SLC8A1: variants seen among roughly 807,000 people sequenced by gnomAD.
The protein encoded by SLC8A1 is solute carrier family 8 member A1.
SLC8A1 carries 18 observed loss-of-function variants against 68.3 expected under a neutral mutation model. The observed-to-expected ratio is 0.26, with a 90% confidence interval of 0.18 to 0.39. The LOEUF is 0.39. Among genes scored for constraint, SLC8A1 ranks in the 10% least tolerant of loss-of-function variants. SLC8A1 has a pLI of 1.00. For missense variants in SLC8A1, 985 were observed against 1,156.7 expected, an observed-to-expected ratio of 0.85 and a Z score of 2.15; for synonymous variants, 475 against 415.5, an observed-to-expected ratio of 1.14 and a Z score of -1.74.
At chr2:40,149,412 T>C (rs2043023141) in intron 6 of SLC8A1, among the ~76,000 whole-genome samples, 1 of 152,190 alleles carries the variant, frequency 6.6e-6, no homozygotes, top group South Asian at 2.1e-4. Flanking sequence ...ATATGAGTTA[T>C]GAATATAATG....
At chr2:40,153,497 C>T (rs542534347) in intron 6 of SLC8A1, among the ~76,000 whole-genome samples, 21 of 152,208 alleles carry the variant, frequency 1.4e-4, no homozygotes, top group Admixed American at 1.4e-3. Flanking sequence ...TAACTCTACA[C>T]TGAAACAAGG....
At chr2:40,395,751 A>C (rs1257997700) in intron 2 of SLC8A1, among the ~76,000 whole-genome samples, 2 of 152,136 alleles carry the variant, frequency 1.3e-5, no homozygotes, top group Non-Finnish European at 2.9e-5. Context: ...TGGGAAAGGA[A>C]AAGATAGGGA....
chr2:40,170,260 G>C (rs375798884), intron 4 of SLC8A1, 21 bp downstream of exon 7: 24 of 1,608,808 alleles, frequency 1.5e-5, no homozygotes, highest in Admixed American at 1.3e-4. Context: ...TGGTTTTCAA[G>C]GATCATGATG....
intron 2 of SLC8A1, among the ~76,000 whole-genome samples, chr2:40,371,656 T>A (rs985508259): frequency 6.6e-6 from 1 of 152,112 alleles, no homozygotes; most frequent in African/African-American, 2.4e-5. Context: ...TTTATCTGAT[T>A]TTGGAGATAG....
intron 1 of SLC8A1, among the ~76,000 whole-genome samples, chr2:40,464,598 G>A (rs1396035541): frequency 6.6e-6 from 1 of 152,192 alleles, no homozygotes; most frequent in Non-Finnish European, 1.5e-5. Flanking sequence ...TATACCCCTA[G>A]AGTTGGTGAA....
chr2:40,233,182 C>A (rs1427457564), intron 2 of SLC8A1, among the ~76,000 whole-genome samples: 2 of 152,162 alleles, frequency 1.3e-5, no homozygotes, highest in African/African-American at 4.8e-5. Context: ...ACACTGACTT[C>A]CACAATGGTT....
intron 1 of SLC8A1, among the ~76,000 whole-genome samples, chr2:40,465,278 T>G (rs1703598084): frequency 6.6e-6 from 1 of 152,150 alleles, no homozygotes; most frequent in Non-Finnish European, 1.5e-5. Flanking sequence ...TTTCAAGTGT[T>G]TTACAGGGCA....
chr2:40,172,733 G>T (rs2047724629), intron 4 of SLC8A1, among the ~76,000 whole-genome samples: 1 of 152,098 alleles, frequency 6.6e-6, no homozygotes, highest in Non-Finnish European at 1.5e-5. Flanking sequence ...ACGAGGTCAG[G>T]AGATTGAGAC....
Position 40,260,280 on chromosome 2 carries a change from A to G in SLC8A1, c.1809-82425T>C, listed in dbSNP as rs541500135. ...CAAGGACAAACCACAAAAGGGAACCAGGGAAGGGCTGTTCAGAGCTCACTG... is the reference window on the plus strand; with the variant it reads ...CAAGGACAAACCACAAAAGGGAACCGGGGAAGGGCTGTTCAGAGCTCACTG... On this transcript the variant is annotated intron_variant, in intron 2 of 7. Transcript: ENST00000406785. 5.3e-5 allele frequency among the ~76,000 whole-genome samples: 8 copies of G among 152,332 alleles called. No individual in the cohort carries two copies. The South Asian group carries it at 1.2e-3, about 24-fold the overall frequency.
intron 2 of SLC8A1, among the ~76,000 whole-genome samples, chr2:40,192,166 G>A (rs939901833): frequency 4.0e-5 from 6 of 151,794 alleles, no homozygotes; most frequent in South Asian, 2.1e-4. Context: ...TAACTTAATC[G>A]CATTCTTGCA....
rs189518498 is a variant in SLC8A1 at position 40,439,567 on chromosome 2, G to A, written c.-24-9263C>T. ...CTCAAGTTGAATGACAGTCAATCCAGCAAGATTTTTTTCTTTTTTATTTTT... is the reference window on the plus strand; with the variant it reads ...CTCAAGTTGAATGACAGTCAATCCAACAAGATTTTTTTCTTTTTTATTTTT... On this transcript the variant is annotated intron_variant, in intron 1 of 7. Transcript: ENST00000406785. Among the ~76,000 whole-genome samples, 14 of 152,206 alleles carry A rather than the reference G, an allele frequency of 9.2e-5. No homozygotes were observed. The East Asian group carries it at 2.7e-3, about 29-fold the overall frequency.
intron 2 of SLC8A1, among the ~76,000 whole-genome samples, chr2:40,387,933 C>T (rs1406018182): frequency 4.1e-5 from 4 of 98,364 alleles, no homozygotes; most frequent in African/African-American, 1.5e-4. Context: ...AGAGAGACTG[C>T]CTCAAAAAAA....
intron 2 of SLC8A1, among the ~76,000 whole-genome samples, chr2:40,419,438 G>A (rs1013101542): frequency 3.9e-5 from 6 of 152,050 alleles, no homozygotes; most frequent in African/African-American, 1.2e-4. Context: ...AATCAGGGCT[G>A]TATATTCTGT....
chr2:40,252,852 A>G (rs1558964131), intron 2 of SLC8A1, among the ~76,000 whole-genome samples: 1 of 115,080 alleles, frequency 8.7e-6, no homozygotes, highest in Admixed American at 1.0e-4. Flanking sequence ...ATATATGTAT[A>G]TATACACATT....
At chr2:40,290,258 G>GA (rs148661975) in intron 2 of SLC8A1, among the ~76,000 whole-genome samples, 11,306 of 141,444 alleles carry the variant, frequency 0.08, 495 homozygotes, top group African/African-American at 0.13. Flanking sequence ...AACTGCAGCT[G>GA]AAAAAAAAAA....
exon 8 of SLC8A1, chr2:40,106,302 G>A (rs919290715): frequency 6.6e-6 from 1 of 152,214 alleles, no homozygotes; most frequent in African/African-American, 2.4e-5. Flanking sequence ...ACTTTGGGAA[G>A]CCAGGGCAGG....
intron 2 of SLC8A1, among the ~76,000 whole-genome samples, chr2:40,294,598 G>C (rs2069985411): frequency 6.6e-6 from 1 of 152,160 alleles, no homozygotes; most frequent in African/African-American, 2.4e-5. Flanking sequence ...CAAAGGTCTA[G>C]AAGAATCTGT....
chr2:40,381,220 C>T (rs1681672921), intron 2 of SLC8A1, among the ~76,000 whole-genome samples: 1 of 152,028 alleles, frequency 6.6e-6, no homozygotes, highest in African/African-American at 2.4e-5. Flanking sequence ...TGGTTTACTG[C>T]ATGATGAATG....
chr2:40,309,663 G>A (rs1046524679), intron 2 of SLC8A1, among the ~76,000 whole-genome samples: 1 of 151,958 alleles, frequency 6.6e-6, no homozygotes, highest in East Asian at 1.9e-4. Context: ...GTGCCACCAT[G>A]CCCAGCTAAT....
Sources: allele counts gnomAD v4.1 joint callset (sites outside exome capture counted in the v4.1 genomes callset), GRCh38; gene constraint gnomAD v4.1.1; transcripts MANE v1.5; gene names NCBI Gene and HGNC (gene_info 2026-07-23, HGNC 2026-07-21).